Variants in FMNL2 observed in about 807,000 individuals in gnomAD.
The protein encoded by FMNL2 is formin-like protein 2.
In FMNL2, 51 loss-of-function variants were observed where a neutral mutation model predicts 130.2. The ratio of observed to expected loss-of-function variants is 0.39; its 90% CI spans 0.31 to 0.49. FMNL2 has a LOEUF of 0.49. FMNL2 is among the 20% of genes least tolerant of loss of function. FMNL2 has a pLI of 0.85. For synonymous variants in FMNL2, 465 were observed against 467.1 expected (o/e 1.00, Z 0.06); for missense variants, 977 against 1,316.2 (o/e 0.74, Z 3.99).
chr2:152,485,483 G>A lies in FMNL2; in HGVS notation c.118-36460G>A, dbSNP rs116943144. On this transcript the variant is annotated intron_variant, in intron 1 of 25. Transcript: ENST00000288670. The stretch of plus-strand genomic sequence containing the variant: ...TGGGAGGATCGCTTGAGCCCAGGAG[G>A]TTGAGCCGTGATTGTGCCACTGCAC... Among the ~76,000 whole-genome samples, 20 of 152,200 alleles carry A rather than the reference G, an allele frequency of 1.3e-4. No individual in the cohort carries two copies. In the East Asian group the frequency reaches 3.9e-3, roughly 29 times the overall value.
chr2:152,374,445 C>T (rs576052815), intron 1 of FMNL2, among the ~76,000 whole-genome samples: 12 of 152,024 alleles, frequency 7.9e-5, no homozygotes, highest in Non-Finnish European at 1.8e-4. Flanking sequence ...CAACTCCAGA[C>T]AAGTGACTGC....
At chr2:152,424,714 CA>C (rs1335068206) in intron 1 of FMNL2, among the ~76,000 whole-genome samples, 1 of 152,094 alleles carries the variant, frequency 6.6e-6, no homozygotes, top group African/African-American at 2.4e-5. Context: ...TTTATTCTAC[CA>C]AGTTATGCCC....
At chr2:152,390,148 C>T (rs1685022041) in intron 1 of FMNL2, 3 of 1,250,476 alleles carry the variant, frequency 2.4e-6, no homozygotes, top group Non-Finnish European at 2.4e-6. Context: ...GCAGACCTGC[C>T]CAATTACTGC....
chr2:152,398,712 T>C (rs1273792383), intron 1 of FMNL2, among the ~76,000 whole-genome samples: 4 of 152,196 alleles, frequency 2.6e-5, no homozygotes, highest in Non-Finnish European at 5.9e-5. Flanking sequence ...TTATCTCCAG[T>C]TTATTGATAA....
chr2:152,368,686 G>C (rs1457169698), intron 1 of FMNL2, among the ~76,000 whole-genome samples: 2 of 152,106 alleles, frequency 1.3e-5, no homozygotes, highest in Non-Finnish European at 2.9e-5. Flanking sequence ...GGGAGAGAAA[G>C]GGGGAGCGAA....
At chr2:152,437,000 C>A (rs1346408948) in intron 1 of FMNL2, among the ~76,000 whole-genome samples, 2 of 152,204 alleles carry the variant, frequency 1.3e-5, no homozygotes, top group Non-Finnish European at 2.9e-5. Flanking sequence ...CATCAAGGCA[C>A]TGGCAGATCT....
At chr2:152,421,222 C>A (rs1468304303) in intron 1 of FMNL2, among the ~76,000 whole-genome samples, 1 of 152,094 alleles carries the variant, frequency 6.6e-6, no homozygotes, top group Non-Finnish European at 1.5e-5. Context: ...GACTTCAAGT[C>A]TTTGAAAAAT....
Position 152,629,835 on chromosome 2 carries a change from C to G in FMNL2, c.2480C>G (p.Ala827Gly), listed in dbSNP as rs1682047881. Residue 827 changes from alanine to glycine, a missense_variant, in exon 20 of 26, where the codon GCC becomes GGC. Transcript: ENST00000288670. ...KLKKILEIILALGNYMNSSKR... is the reference protein window; with the variant it reads ...KLKKILEIILGLGNYMNSSKR... ...CACCTTCTTTTGCAGATCATCTTAGCCCTTGGAAACTACATGAATAGCAGT... is the reference window on the plus strand; with the variant it reads ...CACCTTCTTTTGCAGATCATCTTAGGCCTTGGAAACTACATGAATAGCAGT... The G allele has an allele frequency of 6.2e-7, 1 of 1,612,940 alleles. No homozygotes were observed. The highest frequency in any genetic ancestry group is 1.7e-5 in the Admixed American group (1 of 59,860).
In FMNL2 at chr2:152,358,451, A is replaced by G. The variant is rs973237271; in HGVS notation, c.117+22731A>G. Among the ~76,000 whole-genome samples, 3 of 151,868 alleles carry G rather than the reference A, an allele frequency of 2.0e-5. No homozygotes were observed. The East Asian group carries it at 5.8e-4, about 29-fold the overall frequency. On this transcript the variant is annotated intron_variant, in intron 1 of 25. Coordinates refer to ENST00000288670, the MANE Select transcript of FMNL2 (RefSeq NM_052905.4). ...GATCACCTGAGGTCAGGAGTTTGAG[A>G]CCACCCTGGCCAACATGGTGAAAAA...
chr2:152,445,098 G>A (rs1010204979), intron 1 of FMNL2, among the ~76,000 whole-genome samples: 19 of 152,202 alleles, frequency 1.2e-4, no homozygotes, highest in Admixed American at 7.9e-4. Flanking sequence ...CTTTCAAAGA[G>A]CCAGTTTGTG....
rs533734086 is a variant in FMNL2, at chr2:152,597,568, A to G, written c.877-9771A>G. On this transcript the variant is annotated intron_variant, in intron 9 of 25. Coordinates refer to ENST00000288670, the MANE Select transcript of FMNL2 (RefSeq NM_052905.4). ...GAGAATGCGTGGCTGTGGTGAATACAGGGATTACTGGTATAATTTGGTGCA... is the reference window on the plus strand; with the variant it reads ...GAGAATGCGTGGCTGTGGTGAATACGGGGATTACTGGTATAATTTGGTGCA... Among the ~76,000 whole-genome samples, 194 of 152,360 alleles carry G rather than the reference A, an allele frequency of 1.3e-3. 1 individual carries two copies. Among genetic ancestry groups the G allele is most frequent in the African/African-American group, 4.5e-3 (186 of 41,578 alleles).
Position 152,648,167 on chromosome 2 carries a change from T to C in FMNL2, c.*262T>C, listed in dbSNP as rs555349661. 1.0e-5 allele frequency: 4 copies of C among 391,090 alleles called. No individual in the cohort carries two copies. In the South Asian group the frequency reaches 1.7e-4, roughly 17 times the overall value. The allele number at this position is 391,090 out of a possible 1,614,324, so 24.2% of individuals were successfully genotyped here. A position where few individuals can be genotyped will look rare whatever the true frequency, so the allele number is the denominator to read the frequency against. On this transcript the variant is annotated 3_prime_UTR_variant, in exon 26 of 26. Coordinates refer to ENST00000288670, the MANE Select transcript of FMNL2 (RefSeq NM_052905.4). The stretch of plus-strand genomic sequence containing the variant: ...GGTATCTTTTTACACCAGTATGTTA[T>C]TTTTAACCAAAATGTAAAGTTCTTA...
rs1486619551 is a variant in FMNL2 at position 152,441,793 on chromosome 2, C to T, written c.118-80150C>T. Among the ~76,000 whole-genome samples the T allele has an allele frequency of 2.6e-5, 4 of 151,794 alleles. No individual in the cohort carries two copies. The South Asian group carries it at 8.3e-4, about 32-fold the overall frequency. On this transcript the variant is annotated intron_variant, in intron 1 of 25. Coordinates refer to ENST00000288670, the MANE Select transcript of FMNL2 (RefSeq NM_052905.4). ...GAGTTTGCAGTGAGCTAAGATCATG[C>T]CACTGCACTCCAGCCTGGGCAACAG...
At chr2:152,583,700 C>T (rs1248916983) in intron 9 of FMNL2, among the ~76,000 whole-genome samples, 1 of 152,168 alleles carries the variant, frequency 6.6e-6, no homozygotes. Flanking sequence ...GGATCAAATC[C>T]AGCACCATGT....
intron 9 of FMNL2, among the ~76,000 whole-genome samples, chr2:152,600,391 G>A (rs1558997210): frequency 6.6e-6 from 1 of 152,176 alleles, no homozygotes; most frequent in South Asian, 2.1e-4. Context: ...TCTCATAAGA[G>A]TCAGGCCTCA....
chr2:152,626,061 G>A (rs1479125862), intron 16 of FMNL2, among the ~76,000 whole-genome samples: 6 of 151,144 alleles, frequency 4.0e-5, no homozygotes, highest in South Asian at 2.1e-4. Flanking sequence ...TTTTTGAGAC[G>A]GAGTCTCACT....
chr2:152,487,256 T>C (rs1222608388), intron 1 of FMNL2, among the ~76,000 whole-genome samples: 2 of 152,192 alleles, frequency 1.3e-5, no homozygotes, highest in Non-Finnish European at 2.9e-5. Flanking sequence ...CTTCTTTGTT[T>C]TGCACTCAGT....
intron 15 of FMNL2, among the ~76,000 whole-genome samples, chr2:152,620,566 C>T (rs527303123): frequency 1.3e-5 from 2 of 152,320 alleles, no homozygotes; most frequent in African/African-American, 2.4e-5. Flanking sequence ...TCATTTACTT[C>T]AGCCTGTTCA....
intron 1 of FMNL2, among the ~76,000 whole-genome samples, chr2:152,505,905 G>A (rs576595352): frequency 2.8e-4 from 43 of 152,176 alleles, no homozygotes; most frequent in Admixed American, 5.2e-4. Context: ...AGTACTTTTC[G>A]AGTGAAAGGG....
Sources: allele counts gnomAD v4.1 joint callset (sites outside exome capture counted in the v4.1 genomes callset), GRCh38; gene constraint gnomAD v4.1.1; transcripts MANE v1.5; gene names NCBI Gene and HGNC (gene_info 2026-07-23, HGNC 2026-07-21).